The following PCDHGA3 variants were observed in gnomAD, a reference collection of about 807,000 sequenced individuals.
PCDHGA3 encodes the protein protocadherin gamma subfamily A, 3, also known as protocadherin gamma-A3.
In PCDHGA3, 40 loss-of-function variants were observed where a neutral mutation model predicts 58.5. The ratio of observed to expected loss-of-function variants is 0.68; its 90% CI spans 0.53 to 0.89. The LOEUF is 0.89. Ranked by LOEUF, PCDHGA3 falls within the 40% of genes least tolerant of loss-of-function variation. The probability of loss-of-function intolerance (pLI) is 0.00; values close to 1 mark genes in which losing one functional copy is unlikely to be tolerated. For synonymous variants in PCDHGA3, 530 were observed against 525.7 expected (o/e 1.01, Z -0.11); for missense variants, 1,223 against 1,195.9 (o/e 1.02, Z -0.33).
chr5:141,448,818 G>A (rs2098609016), intron 1 of PCDHGA3, among the ~76,000 whole-genome samples: 1 of 151,984 alleles, frequency 6.6e-6, no homozygotes, highest in Admixed American at 6.6e-5. Context: ...GATGGCGGGC[G>A]CCTGTAGTCC....
In PCDHGA3 at chr5:141,486,288, T is replaced by G. The variant is rs1181533037; in HGVS notation, c.2425-8519T>G. ...GAACCTGGCACTGTGGTGGCACTTA[T>G]CAGTGTGCAGGATCCAGACTCAGGG... On this transcript the variant is annotated intron_variant, in intron 1 of 3. Transcript: ENST00000253812. This position sits in a 1 kb window ranked among gnomAD's most constrained non-coding sequence, Gnocchi z 5.0. The G allele has an allele frequency of 6.2e-7, 1 of 1,613,996 alleles. No individual in the cohort carries two copies. The highest frequency in any genetic ancestry group is 1.7e-5 in the Admixed American group (1 of 60,000).
chr5:141,471,080 C>T (rs2099249652), intron 1 of PCDHGA3, among the ~76,000 whole-genome samples: 1 of 147,610 alleles, frequency 6.8e-6, no homozygotes, highest in African/African-American at 2.5e-5. Context: ...ACAGGGTCTC[C>T]CTCTGTTGTC....
intron 1 of PCDHGA3, chr5:141,365,256 A>G (rs1358600488): frequency 2.5e-6 from 4 of 1,613,864 alleles, no homozygotes; most frequent in Non-Finnish European, 3.4e-6. Context: ...TCACTGGACT[A>G]TGAAGAATCC....
chr5:141,419,423 C>A, intron 1 of PCDHGA3: 1 of 1,613,368 alleles, frequency 6.2e-7, no homozygotes, highest in Non-Finnish European at 8.5e-7. Context: ...CGCCTTCGAC[C>A]ACGAGCAGCT....
intron 1 of PCDHGA3, among the ~76,000 whole-genome samples, chr5:141,359,276 A>G (rs1344985076): frequency 6.6e-6 from 1 of 152,168 alleles, no homozygotes; most frequent in Non-Finnish European, 1.5e-5. Flanking sequence ...GAAATGCTCA[A>G]TTGGTCTGAA....
chr5:141,491,666 G>A lies in PCDHGA3; in HGVS notation c.2425-3141G>A, dbSNP rs373526771. 9.4e-5 allele frequency: 152 copies of A among 1,613,614 alleles called. No homozygotes were observed. The highest frequency in any genetic ancestry group is 1.2e-4 in the Non-Finnish European group (142 of 1,180,016). The stretch of plus-strand genomic sequence containing the variant: ...CTGGCGCTGGAGCCTGACGCCATCC[G>A]GTCCCGCTCTAATACGCTGCGGGAG... On this transcript the variant is annotated intron_variant, in intron 1 of 3. Coordinates refer to ENST00000253812, the MANE Select transcript of PCDHGA3 (RefSeq NM_018916.4). This position sits in a 1 kb window ranked among gnomAD's most constrained non-coding sequence, Gnocchi z 6.9.
chr5:141,466,984 C>A (rs2099133455), intron 1 of PCDHGA3, among the ~76,000 whole-genome samples: 1 of 151,586 alleles, frequency 6.6e-6, no homozygotes, highest in Non-Finnish European at 1.5e-5. Context: ...CATCATTTAC[C>A]TTTTGGCATT....
intron 1 of PCDHGA3, chr5:141,414,893 C>T: frequency 6.2e-7 from 1 of 1,614,248 alleles, no homozygotes; most frequent in Non-Finnish European, 8.5e-7. Context: ...GCCCTCCCCA[C>T]AGACGGTTCC....
chr5:141,381,826 CTTTT>C (rs770630741), intron 1 of PCDHGA3, among the ~76,000 whole-genome samples: 27 of 74,296 alleles, frequency 3.6e-4, no homozygotes, highest in Middle Eastern at 8.1e-3. Context: ...CTTTCTTCTT[CTTTT>C]TTTTTTTTTT....
At chr5:141,394,072 T>C (rs1384581843) in intron 1 of PCDHGA3, 4 of 1,613,840 alleles carry the variant, frequency 2.5e-6, no homozygotes, top group Non-Finnish European at 3.4e-6. Context: ...ATCTACAATA[T>C]CACAGTGATG....
chr5:141,409,805 C>T lies in PCDHGA3; in HGVS notation c.2424+63348C>T, dbSNP rs751397816. 8 of 1,611,512 alleles carry T rather than the reference C, an allele frequency of 5.0e-6. No individual in the cohort carries two copies. The African/African-American group carries it at 5.3e-5, about 11-fold the overall frequency. ...CGCCTTCGCGCTCACGCTGCAGGCC[C>T]GCGACCACGGCTCGCCCACGCTCAG... is the stretch of plus-strand genomic sequence containing the variant. On this transcript the variant is annotated intron_variant, in intron 1 of 3. Coordinates refer to ENST00000253812, the MANE Select transcript of PCDHGA3 (RefSeq NM_018916.4).
rs151297289 is a variant in PCDHGA3, at chr5:141,381,401, A to G, written c.2424+34944A>G. Among the ~76,000 whole-genome samples the G allele has an allele frequency of 6.6e-4, 101 of 152,344 alleles. 2 individuals are homozygous for G. The highest frequency in any genetic ancestry group is 2.3e-3 in the African/African-American group (97 of 41,586). On this transcript the variant is annotated intron_variant, in intron 1 of 3. Transcript: ENST00000253812. ...TCAATAATTTAGTTTTACTCTATCA[A>G]CATCAGTGGAGAGACGAGTACCTCT...
At chr5:141,456,695 T>C (rs1264543968) in intron 1 of PCDHGA3, among the ~76,000 whole-genome samples, 2 of 152,136 alleles carry the variant, frequency 1.3e-5, no homozygotes, top group Non-Finnish European at 2.9e-5. Flanking sequence ...CCAGGCGTGG[T>C]GGCTCGCGCC....
chr5:141,389,144 T>C, intron 1 of PCDHGA3: 1 of 1,614,020 alleles, frequency 6.2e-7, no homozygotes, highest in Non-Finnish European at 8.5e-7. Flanking sequence ...ATATAACCGT[T>C]ACGGCAACAG....
chr5:141,469,802 C>T (rs2099211446), intron 1 of PCDHGA3, among the ~76,000 whole-genome samples: 1 of 152,022 alleles, frequency 6.6e-6, no homozygotes, highest in Admixed American at 6.6e-5. Flanking sequence ...ATTGCAAAAA[C>T]ATTGTAGATA....
At chr5:141,471,263 C>T (rs2099253826) in intron 1 of PCDHGA3, 1 of 151,898 alleles carries the variant, frequency 6.6e-6, no homozygotes, top group African/African-American at 2.4e-5. Context: ...GTTGGCAAGG[C>T]TGGTCTCAAA....
At position 141,489,295 on chromosome 5, in the gene PCDHGA3, T is replaced by C. The variant is rs2099685128; in HGVS notation, c.2425-5512T>C. 1.3e-6 allele frequency: 2 copies of C among 1,581,054 alleles called. No individual in the cohort carries two copies. The highest frequency in any genetic ancestry group is 1.7e-5 in the Admixed American group (1 of 57,148). ...TGGGAAATGGCAAGTGCTGTGCATG[T>C]TGTCCTTGTGCTGCTGGGGCTGGGT... On this transcript the variant is annotated intron_variant, in intron 1 of 3. Transcript: ENST00000253812. The surrounding 1 kb of genome is among the most constrained non-coding windows in gnomAD (Gnocchi z 4.5).
At chr5:141,364,212 A>T in intron 1 of PCDHGA3, 1 of 1,252,416 alleles carries the variant, frequency 8.0e-7, no homozygotes, top group South Asian at 1.7e-5. Flanking sequence ...ACAAGCTCCT[A>T]CGAAAAGCCA....
rs558873325 is a variant in PCDHGA3 at position 141,370,852 on chromosome 5, C to G, written c.2424+24395C>G. On this transcript the variant is annotated intron_variant, in intron 1 of 3. Coordinates refer to ENST00000253812, the MANE Select transcript of PCDHGA3 (RefSeq NM_018916.4). ...CTGGCTCTCACTGGAGCCACATTTG[C>G]CCTGGAATCTGCGCAAGATCCTGAT... The G allele has an allele frequency of 2.0e-5, 33 of 1,614,018 alleles. No individual in the cohort carries two copies. In the South Asian group the frequency reaches 3.4e-4, roughly 17 times the overall value.
Sources: gnomAD v4.1 joint callset for allele counts (sites outside exome capture counted in the v4.1 genomes callset) on GRCh38, gnomAD v4.1.1 for gene constraint, Gnocchi (gnomAD v3.1) non-coding constraint, MANE v1.5 for transcripts, NCBI Gene and HGNC (gene_info 2026-07-23, HGNC 2026-07-21) for gene names.